Variants in PLA2R1 observed in about 807,000 individuals in gnomAD.
The protein encoded by PLA2R1 is secretory phospholipase A2 receptor.
A neutral mutation model predicts 195.9 loss-of-function variants in PLA2R1; 158 were observed. That is an observed-to-expected ratio of 0.81 (90% confidence interval 0.71 to 0.92). The LOEUF is 0.92. Among genes scored for constraint, PLA2R1 ranks in the 40% least tolerant of loss-of-function variants. The pLI is 0.00. For synonymous variants in PLA2R1, 586 were observed against 598.2 expected (o/e 0.98, Z 0.30); for missense variants, 1,626 against 1,764.6 (o/e 0.92, Z 1.41).
chr2:159,993,546 C>T (rs1337976684), intron 11 of PLA2R1, among the ~76,000 whole-genome samples: 1 of 151,426 alleles, frequency 6.6e-6, no homozygotes, highest in Non-Finnish European at 1.5e-5. Flanking sequence ...ACCCTTAAGC[C>T]CAGACTGTGA....
intron 8 of PLA2R1, among the ~76,000 whole-genome samples, chr2:160,018,571 G>A (rs1422504699): frequency 1.3e-5 from 2 of 152,190 alleles, no homozygotes; most frequent in African/African-American, 4.8e-5. Flanking sequence ...GGCAGAGGTT[G>A]CAGTAAGCTG....
intron 19 of PLA2R1, 99 bp from the exon 20 acceptor site, chr2:159,967,777 T>A: frequency 1.0e-6 from 1 of 988,906 alleles, no homozygotes; most frequent in Non-Finnish European, 1.4e-6. Flanking sequence ...TGGTTTTTCA[T>A]AATTTATTTT....
At chr2:159,993,453 T>TACAC (rs3063677) in intron 11 of PLA2R1, among the ~76,000 whole-genome samples, 16,876 of 148,204 alleles carry the variant, frequency 0.11, 1,443 homozygotes, top group African/African-American at 0.23. Context: ...GTGTTTAATT[T>TACAC]ACACACACAC....
rs372872061 is a variant in PLA2R1 at position 159,976,064 on chromosome 2, G to C, written c.2595+4C>G. The C allele has an allele frequency of 2.2e-5, 36 of 1,606,396 alleles. No individual in the cohort carries two copies. The highest frequency in any genetic ancestry group is 2.9e-5 in the Non-Finnish European group (34 of 1,175,222). The stretch of plus-strand genomic sequence containing the variant: ...ATTTTTCGTGGTGAGTTATGTTCAA[G>C]TACCGCTTTTATTTTGCTGTGGATG... On this transcript the variant is annotated splice_donor_region_variant and intron_variant, in intron 17 of 29. Coordinates refer to ENST00000283243, the MANE Select transcript of PLA2R1 (RefSeq NM_007366.5).
chr2:160,030,642 T>C (rs1693797417), intron 4 of PLA2R1, among the ~76,000 whole-genome samples: 1 of 152,202 alleles, frequency 6.6e-6, no homozygotes, highest in South Asian at 2.1e-4. Flanking sequence ...TGGCCCACGA[T>C]ACTGTAATAA....
At chr2:160,043,689 T>C (rs1465723280) in intron 2 of PLA2R1, among the ~76,000 whole-genome samples, 2 of 152,212 alleles carry the variant, frequency 1.3e-5, no homozygotes, top group Non-Finnish European at 2.9e-5. Flanking sequence ...TGTGGGTATG[T>C]GGCTAAAAAG....
intron 10 of PLA2R1, among the ~76,000 whole-genome samples, chr2:160,011,307 T>C (rs1319615956): frequency 6.6e-6 from 1 of 152,254 alleles, no homozygotes; most frequent in African/African-American, 2.4e-5. Context: ...CCATTTATTG[T>C]GCTATTCTAC....
At chr2:159,991,121 GAATA>G (rs1332220057) in intron 11 of PLA2R1, among the ~76,000 whole-genome samples, 2 of 152,174 alleles carry the variant, frequency 1.3e-5, no homozygotes, top group African/African-American at 4.8e-5. Context: ...ATAAGCAGTT[GAATA>G]AATGAATGAA....
At chr2:160,049,435 G>A (rs1695085765) in intron 1 of PLA2R1, among the ~76,000 whole-genome samples, 1 of 152,210 alleles carries the variant, frequency 6.6e-6, no homozygotes, top group Non-Finnish European at 1.5e-5. Flanking sequence ...AGATGCTAGA[G>A]ATAGAGAGAA....
Position 159,934,710 on chromosome 2 carries a change from T to G in PLA2R1, c.*7068A>C, listed in dbSNP as rs1200215193. On this transcript the variant is annotated 3_prime_UTR_variant, in exon 30 of 30. Coordinates refer to ENST00000283243, the MANE Select transcript of PLA2R1 (RefSeq NM_007366.5). ...CTTTTTATATTGAAATGATTTTAGG[T>G]TTACAGAAAAATTGCCAACTTAGTC... 1 of 152,174 alleles carries G rather than the reference T, an allele frequency of 6.6e-6. No individual in the cohort carries two copies. The highest frequency in any genetic ancestry group is 1.5e-5 in the Non-Finnish European group (1 of 68,032). The allele number at this position is 152,174 out of a possible 1,614,324, so 9.4% of individuals were successfully genotyped here.
rs1262842108 is a variant in PLA2R1, at chr2:160,016,279, A to AG, written c.1551+334_1551+335insC. 3.5e-4 allele frequency among the ~76,000 whole-genome samples: 52 copies of AG among 148,996 alleles called. 2 individuals are homozygous for AG. The highest frequency in any genetic ancestry group is 1.1e-3 in the African/African-American group (45 of 40,988). On this transcript the variant is annotated intron_variant, in intron 9 of 29. Transcript: ENST00000283243. ...ACTCTGTCTCAAAAAAAAAAAAAGA[A>AG]AAAGAAAAAGAAAAGAAAGAAAGAC...
intron 11 of PLA2R1, among the ~76,000 whole-genome samples, chr2:160,000,221 G>A (rs1359448731): frequency 6.6e-6 from 1 of 152,156 alleles, no homozygotes; most frequent in African/African-American, 2.4e-5. Flanking sequence ...GCCACTTTTG[G>A]TAAGCGTACA....
chr2:159,998,466 A>G (rs1438856685), intron 11 of PLA2R1, among the ~76,000 whole-genome samples: 3 of 152,144 alleles, frequency 2.0e-5, no homozygotes, highest in African/African-American at 2.4e-5. Context: ...CTCTTTATGC[A>G]TATGTTATCC....
At chr2:159,965,319 A>T (rs1391282453) in intron 20 of PLA2R1, among the ~76,000 whole-genome samples, 1 of 152,164 alleles carries the variant, frequency 6.6e-6, no homozygotes, top group Non-Finnish European at 1.5e-5. Flanking sequence ...CCTCCCTGCA[A>T]CACCTGGCAA....
At chr2:160,059,824 T>C (rs2667031) in intron 1 of PLA2R1, among the ~76,000 whole-genome samples, 119,838 of 152,112 alleles carry the variant, frequency 0.79, 48,073 homozygotes, top group African/African-American at 0.94. Context: ...GCAGAAACCC[T>C]TAATAAACCC....
At chr2:160,007,465 T>C (rs2667006) in intron 10 of PLA2R1, among the ~76,000 whole-genome samples, 114,514 of 151,600 alleles carry the variant, frequency 0.76, 43,579 homozygotes, top group East Asian at 0.88. Flanking sequence ...CCCCGAGGCC[T>C]TAGCTGGAAG....
At chr2:160,025,286 C>T (rs1479770118) in intron 6 of PLA2R1, among the ~76,000 whole-genome samples, 1 of 151,980 alleles carries the variant, frequency 6.6e-6, no homozygotes, top group Non-Finnish European at 1.5e-5. Flanking sequence ...GACTTGAACC[C>T]AGGAGGTCAA....
chr2:159,925,196 A>AC, the PLA2R1 span, among the ~76,000 whole-genome samples: 2 of 60,736 alleles, frequency 3.3e-5, no homozygotes, highest in African/African-American at 6.2e-5. Flanking sequence ...TATAAAAAAA[A>AC]ACAAACAAAC....
intron 17 of PLA2R1, among the ~76,000 whole-genome samples, chr2:159,974,138 C>T (rs1015588917): frequency 6.6e-6 from 1 of 152,122 alleles, no homozygotes. Context: ...ATGTCTGAGA[C>T]GAAGCTGGCA....
Sources: gnomAD v4.1 joint callset for allele counts (sites outside exome capture counted in the v4.1 genomes callset) on GRCh38, gnomAD v4.1.1 for gene constraint, MANE v1.5 for transcripts, NCBI Gene and HGNC (gene_info 2026-07-23, HGNC 2026-07-21) for gene names.